Variants in MRPS35 observed in about 807,000 individuals in gnomAD.
MRPS35 encodes the protein mitochondrial ribosomal protein S35.
MRPS35 carries 29 observed loss-of-function variants against 32.7 expected under a neutral mutation model. That is an observed-to-expected ratio of 0.89 (90% confidence interval 0.66 to 1.21). The LOEUF is 1.21. Ranked by LOEUF, MRPS35 falls within the 50% of genes most tolerant of loss-of-function variation. The pLI is 0.00. For synonymous variants in MRPS35, 148 were observed against 139.3 expected (o/e 1.06, Z -0.44); for missense variants, 373 against 383.8 (o/e 0.97, Z 0.23).
chr12:27,755,423 C>A lies in MRPS35; in HGVS notation c.945C>A (p.Ser315=). ...ATTCCATTTCTCAGTACAAAGAATCCGTGAAGAGACTATTAAATGTGACAT... is the reference window on the plus strand; with the variant it reads ...ATTCCATTTCTCAGTACAAAGAATCAGTGAAGAGACTATTAAATGTGACAT... ...NENSISQYKE[S]VKRLLNVT is the part of the protein sequence containing the mutation. Residue 315 remains serine (S), a synonymous_variant, in exon 8 of 8, where the codon TCC becomes TCA. Transcript: ENST00000081029. 1.9e-6 allele frequency: 3 copies of A among 1,574,794 alleles called. No homozygotes were observed. Among genetic ancestry groups the A allele is most frequent in the Non-Finnish European group, 2.6e-6 (3 of 1,169,166 alleles).
rs907789791 is a variant in MRPS35 at position 27,719,658 on chromosome 12, G to A, written c.322-150G>A. 5.7e-6 allele frequency: 3 copies of A among 524,792 alleles called. No homozygotes were observed. In the African/African-American group the frequency reaches 5.9e-5, roughly 10 times the overall value. 32.5% of individuals were successfully genotyped at this position (524,792 alleles called of 1,614,324 possible). A position where few individuals can be genotyped will look rare whatever the true frequency, so the allele number is the denominator to read the frequency against. ...TCCGCAGTCCGGCCTGGGCGACAGAGCGAGACTCTGTCTCAAAAAAAAAAA... is the reference window on the plus strand; with the variant it reads ...TCCGCAGTCCGGCCTGGGCGACAGAACGAGACTCTGTCTCAAAAAAAAAAA... On this transcript the variant is annotated intron_variant, in intron 3 of 7. Coordinates refer to ENST00000081029, the MANE Select transcript of MRPS35 (RefSeq NM_021821.4).
chr12:27,748,123 C>T (rs932266349), intron 7 of MRPS35, among the ~76,000 whole-genome samples: 1 of 152,196 alleles, frequency 6.6e-6, no homozygotes, highest in Non-Finnish European at 1.5e-5. Flanking sequence ...TTCTCATTGG[C>T]CTTCATTCAT....
At chr12:27,736,550 T>C (rs1026771095) in intron 6 of MRPS35, among the ~76,000 whole-genome samples, 3 of 152,126 alleles carry the variant, frequency 2.0e-5, no homozygotes, top group Non-Finnish European at 4.4e-5. Flanking sequence ...GGATATGTTT[T>C]ATGGTAACTA....
chr12:27,716,607 T>C, intron 3 of MRPS35, 149 bp downstream of exon 3: 1 of 715,692 alleles, frequency 1.4e-6, no homozygotes, highest in Non-Finnish European at 2.2e-6. Flanking sequence ...ATAATAGGTT[T>C]ATTATTATAC....
intron 7 of MRPS35, among the ~76,000 whole-genome samples, chr12:27,749,580 GC>G (rs2061993988): frequency 5.3e-5 from 8 of 152,172 alleles, no homozygotes; most frequent in Non-Finnish European, 2.9e-5. Flanking sequence ...TTAGTTTACT[GC>G]TTCATAGTGG....
chr12:27,723,616 A>G (rs151185186), intron 4 of MRPS35, among the ~76,000 whole-genome samples: 104 of 149,722 alleles, frequency 6.9e-4, no homozygotes, highest in African/African-American at 2.3e-3. Context: ...GAGAGCTTTC[A>G]ATTCCTTTCA....
Position 27,755,279 on chromosome 12 carries a change from C to T in MRPS35, c.801C>T (p.Leu267=). ...SSERNILETL[L]QMKAAEKNME... is the part of the protein sequence containing the mutation. ...AAAGAAATATCCTGGAAACGCTTCT[C>T]CAGATGAAAGCTGCTGAGAAAAATA... is the stretch of plus-strand genomic sequence containing the variant. The change falls in exon 8 of 8, where the codon CTC becomes CTT. Residue 267 remains leucine (L), a synonymous_variant. Transcript: ENST00000081029. 6.2e-7 allele frequency: 1 copy of T among 1,612,720 alleles called. No homozygotes were observed. Among genetic ancestry groups the T allele is most frequent in the Non-Finnish European group, 8.5e-7 (1 of 1,179,756 alleles).
chr12:27,748,246 T>A (rs1294644661), intron 7 of MRPS35, among the ~76,000 whole-genome samples: 2 of 152,198 alleles, frequency 1.3e-5, no homozygotes, highest in African/African-American at 4.8e-5. Context: ...AGTCTCTCAT[T>A]AGACTGAATG....
chr12:27,749,610 G>A (rs367565924), intron 7 of MRPS35, among the ~76,000 whole-genome samples: 10 of 152,156 alleles, frequency 6.6e-5, no homozygotes, highest in African/African-American at 2.4e-4. Context: ...TACATGTCAT[G>A]TACATTTTGA....
intron 3 of MRPS35, among the ~76,000 whole-genome samples, chr12:27,719,154 A>G (rs1327315650): frequency 1.3e-5 from 2 of 152,202 alleles, no homozygotes; most frequent in East Asian, 1.9e-4. Context: ...AAGGAAATAT[A>G]CATGTATACC....
In MRPS35 at chr12:27,724,180, C is replaced by T. The variant is rs2061889919; in HGVS notation, c.516C>T (p.Val172=). Residue 172 remains valine, a synonymous_variant, in exon 5 of 8, where the codon GTC becomes GTT. Transcript: ENST00000081029. ...GGAACCCCAGAGCACGAGTAGTAGT[C>T]TTAAGAGTAAGAGTTTTTTTCATTT... ...SVRNPRARVV[V]LRVKLSSLNL... The T allele has an allele frequency of 3.9e-6, 6 of 1,557,478 alleles. No individual in the cohort carries two copies. The highest frequency in any genetic ancestry group is 5.2e-6 in the Non-Finnish European group (6 of 1,158,680).
intron 4 of MRPS35, among the ~76,000 whole-genome samples, chr12:27,722,152 CT>C (rs2061879108): frequency 6.6e-6 from 1 of 152,218 alleles, no homozygotes; most frequent in Admixed American, 6.5e-5. Flanking sequence ...TCCCTTTACA[CT>C]TGCTGCTGGC....
intron 7 of MRPS35, among the ~76,000 whole-genome samples, chr12:27,740,836 T>G (rs2061961875): frequency 6.6e-6 from 1 of 152,150 alleles, no homozygotes. Flanking sequence ...ATTATTTCAG[T>G]GCTGGGAAGG....
chr12:27,733,003 T>G (rs1482633416), intron 5 of MRPS35, among the ~76,000 whole-genome samples: 5 of 19,166 alleles, frequency 2.6e-4, no homozygotes, highest in Admixed American at 6.0e-4. Flanking sequence ...TATATATATA[T>G]ATATATATAT....
At chr12:27,745,899 C>A (rs1050896799) in intron 7 of MRPS35, among the ~76,000 whole-genome samples, 2 of 152,212 alleles carry the variant, frequency 1.3e-5, no homozygotes, top group Non-Finnish European at 2.9e-5. Flanking sequence ...ATGAACTCAT[C>A]ATTTTTTATG....
At chr12:27,746,335 T>A (rs1283616348) in intron 7 of MRPS35, among the ~76,000 whole-genome samples, 1 of 144,796 alleles carries the variant, frequency 6.9e-6, no homozygotes, top group Non-Finnish European at 1.5e-5. Flanking sequence ...TTTTGAGCAC[T>A]GACATGATGC....
chr12:27,746,468 G>C (rs1409230484), intron 7 of MRPS35, among the ~76,000 whole-genome samples: 2 of 152,104 alleles, frequency 1.3e-5, no homozygotes, highest in Non-Finnish European at 2.9e-5. Context: ...TTTGGATAAG[G>C]GATACTCAAC....
At chr12:27,721,113 A>G (rs2061872480) in intron 4 of MRPS35, among the ~76,000 whole-genome samples, 1 of 152,218 alleles carries the variant, frequency 6.6e-6, no homozygotes. Flanking sequence ...GGAGATGTGG[A>G]ATAGTAAACA....
chr12:27,736,234 G>C (rs915783138), intron 6 of MRPS35, among the ~76,000 whole-genome samples: 1 of 152,186 alleles, frequency 6.6e-6, no homozygotes, highest in Non-Finnish European at 1.5e-5. Flanking sequence ...GCATTTGGAG[G>C]TGTCAGTATC....
Sources: allele counts gnomAD v4.1 joint callset (sites outside exome capture counted in the v4.1 genomes callset), GRCh38; gene constraint gnomAD v4.1.1; transcripts MANE v1.5; gene names NCBI Gene and HGNC (gene_info 2026-07-23, HGNC 2026-07-21).